The following TOGARAM1 variants were observed in gnomAD, a reference collection of about 807,000 sequenced individuals.
TOGARAM1 encodes the protein TOG array regulator of axonemal microtubules protein 1.
Under a neutral mutation model 166.6 loss-of-function variants are expected in TOGARAM1, and 100 were observed. The ratio of observed to expected loss-of-function variants is 0.60; its 90% CI spans 0.51 to 0.71. The LOEUF (loss-of-function observed/expected upper bound fraction) is 0.71, where lower values mean the gene tolerates loss of function less well. Among genes scored for constraint, TOGARAM1 ranks in the 30% least tolerant of loss-of-function variants. TOGARAM1 has a pLI of 0.00. For missense variants in TOGARAM1, 2,029 were observed against 2,102.7 expected (o/e 0.96, Z 0.69); for synonymous variants, 758 against 763.8 (o/e 0.99, Z 0.13).
chr14:44,987,119 T>C (rs1011053443), intron 1 of TOGARAM1, among the ~76,000 whole-genome samples: 2 of 151,946 alleles, frequency 1.3e-5, no homozygotes, highest in Non-Finnish European at 2.9e-5. Flanking sequence ...ATTTTTTGTA[T>C]TTTTAGTAGA....
At chr14:45,056,903 A>G (rs138583169) in intron 16 of TOGARAM1, among the ~76,000 whole-genome samples, 1 of 152,206 alleles carries the variant, frequency 6.6e-6, no homozygotes, top group East Asian at 1.9e-4. Flanking sequence ...CCCCTCTGCA[A>G]TTTTTGGAAA....
At chr14:44,973,257 C>G (rs910306071) in intron 1 of TOGARAM1, among the ~76,000 whole-genome samples, 1 of 151,006 alleles carries the variant, frequency 6.6e-6, no homozygotes, top group African/African-American at 2.4e-5. Flanking sequence ...TTTTAAATTA[C>G]TTTTTTTTAG....
Position 45,071,795 on chromosome 14 carries a change from G to A in TOGARAM1, c.5053G>A (p.Ala1685Thr). Reference protein sequence around the residue: ...KAKQDMTEKLADIVTELYQRK... With the variant: ...KAKQDMTEKLTDIVTELYQRK... ...AAAACAGGACATGACGGAAAAGCTT[G>A]CTGGTAAATACTTTGTAATTTCTAA... Residue 1685 changes from alanine (A) to threonine (T), a missense_variant, in exon 19 of 20, where the codon GCT (alanine) becomes ACT (threonine). Physicochemically the swap from Ala to Thr is moderately conservative, Grantham distance 58. Coordinates refer to ENST00000361462, the MANE Select transcript of TOGARAM1 (RefSeq NM_001308120.2). 6.2e-7 allele frequency: 1 copy of A among 1,607,352 alleles called. No homozygotes were observed. Among genetic ancestry groups the A allele is most frequent in the East Asian group, 2.2e-5 (1 of 44,740 alleles).
At chr14:45,057,176 G>T (rs184937999) in intron 16 of TOGARAM1, among the ~76,000 whole-genome samples, 1 of 151,970 alleles carries the variant, frequency 6.6e-6, no homozygotes, top group South Asian at 2.1e-4. Flanking sequence ...TTATTCTGTC[G>T]AATCAGTCCT....
chr14:45,048,546 C>T (rs1203379788), intron 14 of TOGARAM1, among the ~76,000 whole-genome samples: 1 of 152,018 alleles, frequency 6.6e-6, no homozygotes, highest in Non-Finnish European at 1.5e-5. Flanking sequence ...CTTAAGGCAA[C>T]CACATTTTTT....
chr14:45,027,536 A>AT, intron 9 of TOGARAM1, 62 bp downstream of exon 9: 1 of 1,291,738 alleles, frequency 7.7e-7, no homozygotes, highest in Non-Finnish European at 1.1e-6. Flanking sequence ...TGTTTTGTGT[A>AT]TATCAGATGT....
At position 44,963,659 on chromosome 14, in the gene TOGARAM1, G is replaced by C. The variant is rs1239486354; in HGVS notation, c.1238G>C (p.Gly413Ala). Residue 413 changes from glycine (G) to alanine (A), a missense_variant, in exon 1 of 20, where the codon GGC (glycine) becomes GCC (alanine). By Grantham distance (60) the Gly-to-Ala change is moderately conservative (BLOSUM62 0). This residue lies in a region of TOGARAM1 where 1,453 missense variants were observed against 1,432.2 expected (regional missense o/e 1.01). Coordinates refer to ENST00000361462, the MANE Select transcript of TOGARAM1 (RefSeq NM_001308120.2). The part of the protein sequence containing the change: ...LDDSNFKVVH[G>A]TLEVLHLLVI... ...GATTCTAACTTCAAAGTGGTGCATGGCACACTTGAAGTCCTGCATTTACTG... is the reference window on the plus strand; with the variant it reads ...GATTCTAACTTCAAAGTGGTGCATGCCACACTTGAAGTCCTGCATTTACTG... 6.2e-7 allele frequency: 1 copy of C among 1,613,202 alleles called. No individual in the cohort carries two copies. The highest frequency in any genetic ancestry group is 2.2e-5 in the East Asian group (1 of 44,908).
At chr14:45,025,564 A>C (rs1267128152) in intron 7 of TOGARAM1, 1 of 136,686 alleles carries the variant, frequency 7.3e-6, no homozygotes, top group Middle Eastern at 3.5e-3. Context: ...ACTCCATCTC[A>C]AAAAAAAAAA....
chr14:45,060,021 G>A (rs1276589286), intron 16 of TOGARAM1, among the ~76,000 whole-genome samples: 2 of 146,560 alleles, frequency 1.4e-5, no homozygotes, highest in African/African-American at 2.5e-5. Context: ...CATGCCATTC[G>A]CCTTTCCCAG....
Position 45,025,772 on chromosome 14 carries a change from G to A in TOGARAM1, c.3239-11G>A. 1 of 1,536,652 alleles carries A rather than the reference G, an allele frequency of 6.5e-7. No homozygotes were observed. The highest frequency in any genetic ancestry group is 9.0e-7 in the Non-Finnish European group (1 of 1,114,660). ...TTTAAGTATTTGTTTTGTTTTTTGG[G>A]GGATTTACAGGGTCATCATCAAATC... On this transcript the variant is annotated splice_polypyrimidine_tract_variant and intron_variant, in intron 7 of 19. Transcript: ENST00000361462.
intron 1 of TOGARAM1, among the ~76,000 whole-genome samples, chr14:44,994,042 T>C (rs745620719): frequency 1.3e-5 from 2 of 152,248 alleles, no homozygotes; most frequent in African/African-American, 2.4e-5. Context: ...TACTGACTAC[T>C]GTATAATCAA....
At chr14:45,007,842 A>G (rs1283329447) in intron 5 of TOGARAM1, 2 of 152,190 alleles carry the variant, frequency 1.3e-5, no homozygotes, top group Non-Finnish European at 2.9e-5. Context: ...AAGCAAGTCA[A>G]CATCTATTAT....
rs1887844588 is a variant in TOGARAM1, at chr14:45,004,313, C to A, written c.2591C>A (p.Pro864Gln). 1 of 1,613,980 alleles carries A rather than the reference C, an allele frequency of 6.2e-7. No individual in the cohort carries two copies. The highest frequency in any genetic ancestry group is 1.3e-5 in the African/African-American group (1 of 75,004). The stretch of plus-strand genomic sequence containing the variant: ...TTCGAAGGACTATCAAAGCCAAGTC[C>A]ACAGAAGAAGCTTGTCAGCCAAAAA... ...KSFEGLSKPS[P>Q]QKKLVSQKSS... Residue 864 changes from proline to glutamine, a missense_variant, in exon 4 of 20, where the codon CCA (proline) becomes CAA (glutamine). Coordinates refer to ENST00000361462, the MANE Select transcript of TOGARAM1 (RefSeq NM_001308120.2).
intron 16 of TOGARAM1, among the ~76,000 whole-genome samples, chr14:45,064,286 A>AAT (rs1218148853): frequency 6.6e-6 from 1 of 152,024 alleles, no homozygotes; most frequent in Non-Finnish European, 1.5e-5. Context: ...TTAATTAAAA[A>AAT]ATATATTTTT....
At chr14:44,980,933 A>G (rs1886495971) in intron 1 of TOGARAM1, among the ~76,000 whole-genome samples, 1 of 152,148 alleles carries the variant, frequency 6.6e-6, no homozygotes, top group Non-Finnish European at 1.5e-5. Context: ...ACTGATTTAG[A>G]TGTGAGTTGT....
At chr14:45,056,719 T>C (rs1377306160) in intron 16 of TOGARAM1, among the ~76,000 whole-genome samples, 5 of 152,152 alleles carry the variant, frequency 3.3e-5, no homozygotes, top group Non-Finnish European at 7.3e-5. Flanking sequence ...TAAAACCCAA[T>C]TGATCCTGAT....
intron 16 of TOGARAM1, among the ~76,000 whole-genome samples, chr14:45,056,089 C>T (rs1254244577): frequency 1.3e-5 from 2 of 151,534 alleles, no homozygotes; most frequent in Non-Finnish European, 2.9e-5. Context: ...GATCTTTTAC[C>T]TCCTTGGTTA....
At position 44,962,378 on chromosome 14, in the gene TOGARAM1, G is replaced by A; in HGVS notation, c.-44G>A. On this transcript the variant is annotated 5_prime_UTR_variant, in exon 1 of 20. Coordinates refer to ENST00000361462, the MANE Select transcript of TOGARAM1 (RefSeq NM_001308120.2). ...TCTGGGCTCCATCGAGCCCTTTGGA[G>A]ACGGCAATGGTTTCTTCCAACCACC... 6.7e-7 allele frequency: 1 copy of A among 1,502,150 alleles called. No homozygotes were observed. Among genetic ancestry groups the A allele is most frequent in the Non-Finnish European group, 8.8e-7 (1 of 1,131,908 alleles). 93.1% of individuals were successfully genotyped at this position (1,502,150 alleles called of 1,614,324 possible). A position where few individuals can be genotyped will look rare whatever the true frequency, so the allele number is the denominator to read the frequency against.
At chr14:45,054,052 G>A (rs549563459) in intron 15 of TOGARAM1, among the ~76,000 whole-genome samples, 1 of 151,918 alleles carries the variant, frequency 6.6e-6, no homozygotes, top group South Asian at 2.1e-4. Flanking sequence ...TGTGCTTTTA[G>A]TTGAGACAGG....
Sources: allele counts gnomAD v4.1 joint callset (sites outside exome capture counted in the v4.1 genomes callset), GRCh38; gene constraint gnomAD v4.1.1; regional missense constraint gnomAD v4.1.1; transcripts MANE v1.5; gene names NCBI Gene and HGNC (gene_info 2026-07-23, HGNC 2026-07-21).